KAZN: variants seen among roughly 807,000 people sequenced by gnomAD.
KAZN encodes the protein kazrin.
Under a neutral mutation model 87.4 loss-of-function variants are expected in KAZN, and 40 were observed. That is an observed-to-expected ratio of 0.46 (90% CI 0.36 to 0.60). KAZN has a LOEUF of 0.60. KAZN is among the 20% of genes least tolerant of loss of function. KAZN has a pLI of 0.00. For missense variants in KAZN, 898 were observed against 1,073.9 expected, an observed-to-expected ratio of 0.84 and a Z score of 2.29; for synonymous variants, 466 against 458.3, an observed-to-expected ratio of 1.02 and a Z score of -0.22.
At chr1:14,490,862 T>C (rs1669612533) in intron 2 of KAZN, among the ~76,000 whole-genome samples, 1 of 152,248 alleles carries the variant, frequency 6.6e-6, no homozygotes, top group Admixed American at 6.5e-5. Flanking sequence ...GAAACATTGT[T>C]CTAATCCTCT....
chr1:14,872,938 A>ATG (rs1652311834), intron 1 of KAZN, among the ~76,000 whole-genome samples: 4 of 146,120 alleles, frequency 2.7e-5, no homozygotes, highest in Admixed American at 6.8e-5. Context: ...ATGGATGGAT[A>ATG]GATGGATGGA....
intron 1 of KAZN, among the ~76,000 whole-genome samples, chr1:14,615,551 G>GT (rs1557838532): frequency 6.6e-6 from 1 of 152,054 alleles, no homozygotes; most frequent in Non-Finnish European, 1.5e-5. Flanking sequence ...GCTTGAACCC[G>GT]GGAGGCAGAG....
intron 2 of KAZN, among the ~76,000 whole-genome samples, chr1:14,325,303 T>A (rs1656331400): frequency 6.6e-6 from 1 of 152,198 alleles, no homozygotes; most frequent in Non-Finnish European, 1.5e-5. Context: ...TCATCTAAAT[T>A]ATTTTGTATT....
At chr1:14,198,692 G>A (rs1158282686) in intron 2 of KAZN, among the ~76,000 whole-genome samples, 1 of 152,166 alleles carries the variant, frequency 6.6e-6, no homozygotes, top group Admixed American at 6.5e-5. Flanking sequence ...CCATCAAGAG[G>A]TGAATGTTTA....
intron 1 of KAZN, among the ~76,000 whole-genome samples, chr1:14,689,237 AAC>A (rs1287044240): frequency 6.6e-6 from 1 of 151,716 alleles, no homozygotes; most frequent in Non-Finnish European, 1.5e-5. Context: ...AACAAAACAA[AAC>A]AGAGTTGATT....
At chr1:14,429,971 C>A (rs868727549) in intron 2 of KAZN, among the ~76,000 whole-genome samples, 8 of 152,072 alleles carry the variant, frequency 5.3e-5, no homozygotes, top group Non-Finnish European at 1.0e-4. Context: ...CCTCTTCCCC[C>A]ATCCCTCTCC....
At chr1:14,300,230 A>T (rs1342542857) in intron 2 of KAZN, among the ~76,000 whole-genome samples, 2 of 151,550 alleles carry the variant, frequency 1.3e-5, no homozygotes, top group African/African-American at 4.9e-5. Context: ...TTGGGGCTTT[A>T]TTCCAAGTTT....
At chr1:14,400,992 C>T (rs1663355410) in intron 2 of KAZN, among the ~76,000 whole-genome samples, 1 of 152,138 alleles carries the variant, frequency 6.6e-6, no homozygotes, top group Non-Finnish European at 1.5e-5. Context: ...ACAGAAAGGC[C>T]TTGTGCTAGG....
At chr1:13,989,017 G>T (rs1301606467) in intron 1 of KAZN, among the ~76,000 whole-genome samples, 1 of 151,828 alleles carries the variant, frequency 6.6e-6, no homozygotes, top group African/African-American at 2.4e-5. Flanking sequence ...AGAAGTCCAA[G>T]ATCAAGGGTC....
chr1:14,257,290 G>A (rs957682315), intron 2 of KAZN, among the ~76,000 whole-genome samples: 1 of 149,866 alleles, frequency 6.7e-6, no homozygotes, highest in Non-Finnish European at 1.5e-5. Context: ...GTCTGTTCAT[G>A]TCCTTCGCCC....
intron 2 of KAZN, among the ~76,000 whole-genome samples, chr1:14,999,503 C>A: frequency 7.1e-6 from 1 of 141,342 alleles, no homozygotes; most frequent in African/African-American, 3.0e-5. Flanking sequence ...TGCCCCCCTC[C>A]CCCCGCCCCG....
chr1:13,925,704 G>T (rs1196208462), intron 1 of KAZN, among the ~76,000 whole-genome samples: 1 of 152,210 alleles, frequency 6.6e-6, no homozygotes, highest in East Asian at 1.9e-4. Flanking sequence ...GAATGCAGAA[G>T]TACCTTGACT....
intron 3 of KAZN, among the ~76,000 whole-genome samples, chr1:15,042,965 C>T (rs907270772): frequency 6.6e-6 from 1 of 152,208 alleles, no homozygotes. Context: ...AACTTTGCTC[C>T]GGCCAACAGA....
intron 1 of KAZN, among the ~76,000 whole-genome samples, chr1:13,983,725 C>T (rs1015555118): frequency 6.6e-6 from 1 of 152,270 alleles, no homozygotes; most frequent in Non-Finnish European, 1.5e-5. Context: ...CTGTCACCTC[C>T]CAAAGGGAAC....
intron 1 of KAZN, among the ~76,000 whole-genome samples, chr1:14,712,966 A>G (rs118063311): frequency 1.3e-5 from 2 of 152,282 alleles, no homozygotes; most frequent in East Asian, 1.9e-4. Context: ...CTCATGTATC[A>G]GTTGTTTTTT....
In KAZN at chr1:14,758,555, C is replaced by T. The variant is rs12743192; in HGVS notation, c.226+159332C>T. Among the ~76,000 whole-genome samples, 1,276 of 152,136 alleles carry T rather than the reference C, an allele frequency of 8.4e-3. 10 individuals carry two copies. The highest frequency in any genetic ancestry group is 0.034 in the Middle Eastern group (10 of 294). On this transcript the variant is annotated intron_variant, in intron 1 of 14. Coordinates refer to ENST00000376030, the MANE Select transcript of KAZN (RefSeq NM_201628.3). ...CTTTAACTCCTGGGCTTAAGCAATC[C>T]TCCCACCTTGGCCCCCCAAAATGCT...
At chr1:13,932,809 G>A (rs1640577767) in intron 1 of KAZN, among the ~76,000 whole-genome samples, 1 of 152,138 alleles carries the variant, frequency 6.6e-6, no homozygotes, top group Non-Finnish European at 1.5e-5. Flanking sequence ...CTGGGGAGGA[G>A]GTTGTCACGC....
chr1:14,144,862 ACACT>A (rs928349281), intron 1 of KAZN, among the ~76,000 whole-genome samples: 2 of 152,150 alleles, frequency 1.3e-5, no homozygotes, highest in African/African-American at 4.8e-5. Flanking sequence ...CAGTGAGAAC[ACACT>A]CACCCCACAG....
chr1:14,357,949 G>T (rs1034012763), intron 2 of KAZN, among the ~76,000 whole-genome samples: 4 of 152,118 alleles, frequency 2.6e-5, no homozygotes, highest in African/African-American at 9.7e-5. Context: ...AAATTAGTTA[G>T]GGAGAAGTCC....
Sources: allele counts gnomAD v4.1 joint callset (sites outside exome capture counted in the v4.1 genomes callset), GRCh38; gene constraint gnomAD v4.1.1; transcripts MANE v1.5; gene names NCBI Gene and HGNC (gene_info 2026-07-23, HGNC 2026-07-21).